Variants in DTNB observed in about 807,000 individuals in gnomAD.
DTNB encodes the protein DTN-B.
DTNB carries 63 observed loss-of-function variants against 90.7 expected under a neutral mutation model. The observed-to-expected ratio is 0.69, with a 90% CI of 0.57 to 0.86. The LOEUF (loss-of-function observed/expected upper bound fraction) is 0.86. DTNB is among the 40% of genes least tolerant of loss of function. The pLI, the probability that DTNB is intolerant of heterozygous loss-of-function variation, is 0.00. For missense variants in DTNB, 744 were observed against 807.1 expected (o/e 0.92, Z 0.95); for synonymous variants, 277 against 286.7 (o/e 0.97, Z 0.34).
In DTNB at chr2:25,609,657, TACACACACACACACAC is replaced by T. The variant is rs4007298; in HGVS notation, c.363-2352_363-2337del. 1.5e-3 allele frequency among the ~76,000 whole-genome samples: 192 copies of T among 127,076 alleles called. 3 individuals are homozygous for T. Among genetic ancestry groups the T allele is most frequent in the African/African-American group, 4.8e-3 (158 of 32,788 alleles). 83.4% of individuals were successfully genotyped at this position (127,076 alleles called of 152,430 possible). On this transcript the variant is annotated intron_variant, in intron 4 of 20. Coordinates refer to ENST00000406818, the MANE Select transcript of DTNB (RefSeq NM_021907.5). ...GCATAAACATTTCCATAATAGAATG[TACACACACACACACAC>T]ACACACACACACACACACACACACA...
chr2:25,672,203 C>CAA (rs5829985), intron 1 of DTNB, among the ~76,000 whole-genome samples: 451 of 42,480 alleles, frequency 0.011, 64 homozygotes, highest in African/African-American at 0.022. Context: ...CCTCGCATAG[C>CAA]AAAAAAAAAA....
At chr2:25,408,558 A>G (rs536555251) in intron 16 of DTNB, among the ~76,000 whole-genome samples, 4 of 150,936 alleles carry the variant, frequency 2.7e-5, no homozygotes, top group Non-Finnish European at 5.9e-5. Context: ...AAAAAAAAAA[A>G]AAAAAGCACC....
At position 25,420,262 on chromosome 2, in the gene DTNB, C is replaced by CTTT. The variant is rs56815083; in HGVS notation, c.1555-730_1555-728dup. Among the ~76,000 whole-genome samples, 17 of 63,880 alleles carry CTTT rather than the reference C, an allele frequency of 2.7e-4. 2 individuals are homozygous for CTTT. Among genetic ancestry groups the CTTT allele is most frequent in the Non-Finnish European group, 4.7e-4 (14 of 29,716 alleles). 41.9% of individuals were successfully genotyped at this position (63,880 alleles called of 152,430 possible). ...CCGTCTACTTGCTTTCAGGCACAGT[C>CTTT]TTTTTTTTTTTTTTTTTTTTTTTTT... On this transcript the variant is annotated intron_variant, in intron 15 of 20. Coordinates refer to ENST00000406818, the MANE Select transcript of DTNB (RefSeq NM_021907.5).
chr2:25,570,527 C>G (rs143883620), intron 8 of DTNB, among the ~76,000 whole-genome samples: 6 of 151,836 alleles, frequency 4.0e-5, no homozygotes, highest in South Asian at 2.1e-4. Context: ...CTACTTTAAT[C>G]GGTTTTTGCC....
chr2:25,447,069 T>C (rs1002573521), intron 12 of DTNB, among the ~76,000 whole-genome samples: 4 of 152,250 alleles, frequency 2.6e-5, no homozygotes, highest in African/African-American at 7.2e-5. Context: ...TTCTATGTGA[T>C]TTGTTTTCAA....
intron 9 of DTNB, among the ~76,000 whole-genome samples, chr2:25,494,475 G>T (rs1162342505): frequency 6.7e-6 from 1 of 149,118 alleles, no homozygotes; most frequent in South Asian, 2.2e-4. Context: ...GGGGGGTGGG[G>T]GGAGGAGGGG....
intron 9 of DTNB, among the ~76,000 whole-genome samples, chr2:25,483,292 T>A (rs2065376897): frequency 6.6e-6 from 1 of 152,190 alleles, no homozygotes; most frequent in South Asian, 2.1e-4. Flanking sequence ...CGTACAAGAT[T>A]ACTAGGTGTC....
At chr2:25,521,252 T>C (rs1312688004) in intron 9 of DTNB, among the ~76,000 whole-genome samples, 1 of 152,178 alleles carries the variant, frequency 6.6e-6, no homozygotes, top group East Asian at 1.9e-4. Flanking sequence ...GCAAACTTTT[T>C]CAGGGCCAGA....
intron 10 of DTNB, among the ~76,000 whole-genome samples, chr2:25,477,357 A>G (rs928867508): frequency 6.6e-6 from 1 of 152,116 alleles, no homozygotes; most frequent in Non-Finnish European, 1.5e-5. Flanking sequence ...ATATTAACTC[A>G]TCTCTTAATT....
At chr2:25,653,217 G>A (rs1254063075) in intron 1 of DTNB, 1 of 152,176 alleles carries the variant, frequency 6.6e-6, no homozygotes, top group South Asian at 2.1e-4. Context: ...GTGGGAGAGA[G>A]GTAATTGAAT....
At chr2:25,491,799 C>G (rs570596803) in intron 9 of DTNB, among the ~76,000 whole-genome samples, 1 of 151,712 alleles carries the variant, frequency 6.6e-6, no homozygotes, top group South Asian at 2.1e-4. Flanking sequence ...TTATTGAGTG[C>G]TTCCTATACG....
chr2:25,668,601 T>G (rs1403234313), intron 1 of DTNB, among the ~76,000 whole-genome samples: 1 of 152,246 alleles, frequency 6.6e-6, no homozygotes, highest in Non-Finnish European at 1.5e-5. Flanking sequence ...GTTTATCAAT[T>G]ATAATAAATG....
intron 16 of DTNB, among the ~76,000 whole-genome samples, chr2:25,414,534 A>T (rs1052134677): frequency 7.9e-5 from 12 of 152,182 alleles, no homozygotes; most frequent in African/African-American, 2.2e-4. Context: ...GATTACAGGC[A>T]TGAGCCACCA....
intron 9 of DTNB, among the ~76,000 whole-genome samples, chr2:25,501,740 G>T (rs2070767932): frequency 6.6e-6 from 1 of 152,168 alleles, no homozygotes; most frequent in Non-Finnish European, 1.5e-5. Flanking sequence ...AGAGGCGATA[G>T]TATCTAAACA....
chr2:25,628,211 T>C lies in DTNB; in HGVS notation c.322A>G (p.Ile108Val), dbSNP rs377310706. ...STHQISVEQSISLLLNFMIAA... is the reference protein window; with the variant it reads ...STHQISVEQSVSLLLNFMIAA... ...ATCATAAAGTTGAGGAGGAGGCTGA[T>C]AGATTGTTCCACACTAATTTGGTGA... Residue 108 changes from isoleucine (I) to valine (V), a missense_variant, in exon 4 of 21, where the codon ATC becomes GTC. Coordinates refer to ENST00000406818, the MANE Select transcript of DTNB (RefSeq NM_021907.5). 1.2e-5 allele frequency: 20 copies of C among 1,613,750 alleles called. No individual in the cohort carries two copies. Among genetic ancestry groups the C allele is most frequent in the South Asian group, 1.1e-4 (10 of 91,084 alleles).
chr2:25,650,960 CAAA>C (rs780874628), intron 2 of DTNB, among the ~76,000 whole-genome samples: 3 of 119,774 alleles, frequency 2.5e-5, no homozygotes, highest in African/African-American at 5.8e-5. Flanking sequence ...GACTCCCTCT[CAAA>C]AAAAAAAAAA....
At chr2:25,486,193 T>C (rs1470887612) in intron 9 of DTNB, among the ~76,000 whole-genome samples, 2 of 152,176 alleles carry the variant, frequency 1.3e-5, no homozygotes, top group East Asian at 3.9e-4. Flanking sequence ...CTGGGCACAG[T>C]GGCTCACGTC....
At chr2:25,399,742 TG>T in intron 16 of DTNB, among the ~76,000 whole-genome samples, 1 of 152,234 alleles carries the variant, frequency 6.6e-6, no homozygotes, top group East Asian at 1.9e-4. Context: ...CATATCCGGG[TG>T]GAGTCTCCTC....
chr2:25,400,112 G>A (rs997616812), intron 16 of DTNB, among the ~76,000 whole-genome samples: 2 of 152,184 alleles, frequency 1.3e-5, no homozygotes, highest in African/African-American at 4.8e-5. Context: ...TGTATAAGAT[G>A]GAACTATCTC....
Sources: gnomAD v4.1 joint callset for allele counts (sites outside exome capture counted in the v4.1 genomes callset) on GRCh38, gnomAD v4.1.1 for gene constraint, MANE v1.5 for transcripts, NCBI Gene and HGNC (gene_info 2026-07-23, HGNC 2026-07-21) for gene names.